Variants in C1orf21 observed in about 807,000 individuals in gnomAD.
C1orf21 encodes the protein uncharacterized protein C1orf21.
C1orf21 carries 3 observed loss-of-function variants against 18.7 expected under a neutral mutation model. The ratio of observed to expected loss-of-function variants is 0.16; its 90% CI spans 0.07 to 0.42. The LOEUF (loss-of-function observed/expected upper bound fraction) is 0.42, where lower values mean the gene tolerates loss of function less well. Ranked by LOEUF, C1orf21 falls within the 10% of genes least tolerant of loss-of-function variation. The pLI is 0.99. For missense variants in C1orf21, 104 were observed against 143.6 expected (o/e 0.72, Z 1.41); for synonymous variants, 41 against 46.4 (o/e 0.88, Z 0.47).
intron 3 of C1orf21, among the ~76,000 whole-genome samples, chr1:184,538,635 A>T (rs532149189): frequency 1.3e-5 from 2 of 152,198 alleles, no homozygotes; most frequent in African/African-American, 4.8e-5. Context: ...CATTTTGTAC[A>T]TAGTATTAAG....
chr1:184,544,349 T>C (rs1170541844), intron 3 of C1orf21, among the ~76,000 whole-genome samples: 1 of 152,176 alleles, frequency 6.6e-6, no homozygotes, highest in Non-Finnish European at 1.5e-5. Flanking sequence ...CCATGCACCT[T>C]TTCCTGTGCA....
rs115251042 is a variant in C1orf21, at chr1:184,590,384, T to A, written c.190-355T>A. Among the ~76,000 whole-genome samples the A allele has an allele frequency of 3.6e-3, 548 of 152,378 alleles. 5 individuals are homozygous for A. Among genetic ancestry groups the A allele is most frequent in the African/African-American group, 0.013 (524 of 41,596 alleles). On this transcript the variant is annotated intron_variant, in intron 3 of 5. Coordinates refer to ENST00000235307, the MANE Select transcript of C1orf21 (RefSeq NM_030806.4). ...TAAATTGCACGGAAGTCAGTTAACC[T>A]GAGCAAGTGAACAAAGGCTGTGATT...
At chr1:184,418,535 G>T (rs1406132478) in intron 1 of C1orf21, among the ~76,000 whole-genome samples, 1 of 152,084 alleles carries the variant, frequency 6.6e-6, no homozygotes, top group Non-Finnish European at 1.5e-5. Context: ...TTTCTTCTGC[G>T]CTCTGGGAAC....
At chr1:184,432,124 A>G (rs1366116573) in intron 1 of C1orf21, among the ~76,000 whole-genome samples, 1 of 152,218 alleles carries the variant, frequency 6.6e-6, no homozygotes, top group African/African-American at 2.4e-5. Context: ...CAATTCCTCA[A>G]GGATCTAGAA....
chr1:184,600,408 C>A (rs1473273796), intron 5 of C1orf21, among the ~76,000 whole-genome samples: 1 of 152,090 alleles, frequency 6.6e-6, no homozygotes, highest in Non-Finnish European at 1.5e-5. Flanking sequence ...ATCAGGTGAT[C>A]GACGCACCTC....
intron 3 of C1orf21, among the ~76,000 whole-genome samples, chr1:184,571,314 A>G (rs950103679): frequency 2.7e-4 from 41 of 151,654 alleles, no homozygotes; most frequent in East Asian, 7.7e-4. Context: ...AAAAAAAAAA[A>G]AAAAGAAAAG....
At chr1:184,504,719 T>A (rs1369974960) in intron 2 of C1orf21, among the ~76,000 whole-genome samples, 1 of 152,192 alleles carries the variant, frequency 6.6e-6, no homozygotes, top group Non-Finnish European at 1.5e-5. Flanking sequence ...TTTTTTTGTT[T>A]TATACCGTGA....
intron 1 of C1orf21, among the ~76,000 whole-genome samples, chr1:184,455,073 T>A (rs1043830611): frequency 3.3e-5 from 5 of 152,126 alleles, no homozygotes; most frequent in Admixed American, 6.5e-5. Flanking sequence ...GCTCAGTGAA[T>A]CTGCATTTCT....
intron 1 of C1orf21, among the ~76,000 whole-genome samples, chr1:184,426,152 C>T (rs141657205): frequency 1.3e-5 from 2 of 152,244 alleles, no homozygotes; most frequent in Non-Finnish European, 2.9e-5. Context: ...AATTATTACC[C>T]AATCATAAAT....
intron 3 of C1orf21, among the ~76,000 whole-genome samples, chr1:184,589,263 C>G (rs968317542): frequency 6.6e-6 from 1 of 152,196 alleles, no homozygotes; most frequent in Non-Finnish European, 1.5e-5. Flanking sequence ...AAAGGACCAA[C>G]TTGGAAGGAA....
chr1:184,480,449 T>TGC (rs1162048263), intron 2 of C1orf21, among the ~76,000 whole-genome samples: 2 of 152,196 alleles, frequency 1.3e-5, no homozygotes, highest in Admixed American at 6.5e-5. Flanking sequence ...CAATACGTTG[T>TGC]GCTTACATTC....
At chr1:184,535,487 A>C (rs928346512) in intron 3 of C1orf21, among the ~76,000 whole-genome samples, 2 of 152,222 alleles carry the variant, frequency 1.3e-5, no homozygotes, top group Non-Finnish European at 2.9e-5. Flanking sequence ...GCTATTTTGC[A>C]ATCCTTTAGA....
intron 3 of C1orf21, among the ~76,000 whole-genome samples, chr1:184,525,291 G>A (rs1000720603): frequency 2.6e-5 from 4 of 151,862 alleles, no homozygotes; most frequent in Middle Eastern, 3.2e-3. Flanking sequence ...ATTTGTCATC[G>A]AATTATCATA....
intron 2 of C1orf21, among the ~76,000 whole-genome samples, chr1:184,502,750 T>A (rs1657995976): frequency 6.6e-6 from 1 of 152,136 alleles, no homozygotes; most frequent in African/African-American, 2.4e-5. Flanking sequence ...TTTTCCTGCT[T>A]GTTACTTTTA....
chr1:184,494,129 A>C (rs776357849), intron 2 of C1orf21, among the ~76,000 whole-genome samples: 3 of 152,254 alleles, frequency 2.0e-5, no homozygotes, highest in Non-Finnish European at 4.4e-5. Flanking sequence ...GCTGTTTCAG[A>C]GTCATCTGTC....
intron 3 of C1orf21, among the ~76,000 whole-genome samples, chr1:184,555,042 A>G (rs908272570): frequency 6.6e-6 from 1 of 152,082 alleles, no homozygotes; most frequent in Non-Finnish European, 1.5e-5. Flanking sequence ...ACCTGACTTG[A>G]TACTAGTTAG....
Position 184,390,704 on chromosome 1 carries a change from C to CT in C1orf21, c.-125+3345dup, listed in dbSNP as rs200285687. 2.0e-3 allele frequency among the ~76,000 whole-genome samples: 302 copies of CT among 151,504 alleles called. 3 individuals carry two copies. Among genetic ancestry groups the CT allele is most frequent in the Admixed American group, 0.013 (198 of 15,216 alleles). ...TGTACGTGGTGGGTACTCAGATGAC[C>CT]TTTTTTTTTCCAGCTTTACTGTGTA... On this transcript the variant is annotated intron_variant, in intron 1 of 5. Coordinates refer to ENST00000235307, the MANE Select transcript of C1orf21 (RefSeq NM_030806.4).
At chr1:184,576,925 C>T (rs1659199185) in intron 3 of C1orf21, among the ~76,000 whole-genome samples, 1 of 152,176 alleles carries the variant, frequency 6.6e-6, no homozygotes, top group Admixed American at 6.5e-5. Context: ...GGCCTGCACT[C>T]TGCACTCCAG....
chr1:184,512,850 A>T (rs1434543655), intron 3 of C1orf21, among the ~76,000 whole-genome samples: 1 of 152,192 alleles, frequency 6.6e-6, no homozygotes, highest in African/African-American at 2.4e-5. Flanking sequence ...ACACGGCAGG[A>T]GGTGAGCGGC....
Sources: allele counts gnomAD v4.1 joint callset (sites outside exome capture counted in the v4.1 genomes callset), GRCh38; gene constraint gnomAD v4.1.1; transcripts MANE v1.5; gene names NCBI Gene and HGNC (gene_info 2026-07-23, HGNC 2026-07-21).